ROBO2: variants seen among roughly 807,000 people sequenced by gnomAD.
ROBO2 encodes roundabout homolog 2.
Under a neutral mutation model 160.8 loss-of-function variants are expected in ROBO2, and 53 were observed. The observed-to-expected ratio is 0.33, with a 90% CI of 0.26 to 0.41. The LOEUF is 0.41. Ranked by LOEUF, ROBO2 falls within the 10% of genes least tolerant of loss-of-function variation. ROBO2 has a pLI of 1.00. For missense variants in ROBO2, 1,577 were observed against 1,722.4 expected (o/e 0.92, Z 1.49); for synonymous variants, 664 against 611.7 (o/e 1.09, Z -1.26).
chr3:76,835,061 T>C (rs2067559509), intron 2 of ROBO2, among the ~76,000 whole-genome samples: 1 of 152,104 alleles, frequency 6.6e-6, no homozygotes, highest in South Asian at 2.1e-4. Flanking sequence ...GACTATAGAA[T>C]GCAAACTTTT....
chr3:76,609,499 C>T (rs887637983), intron 2 of ROBO2, among the ~76,000 whole-genome samples: 19 of 150,952 alleles, frequency 1.3e-4, no homozygotes, highest in African/African-American at 4.4e-4. Context: ...TGGAATTGCT[C>T]TTCGATTTTT....
At chr3:75,930,028 C>T (rs764933261) in intron 1 of ROBO2, among the ~76,000 whole-genome samples, 2 of 152,174 alleles carry the variant, frequency 1.3e-5, no homozygotes, top group African/African-American at 2.4e-5. Context: ...AGATCTTTTG[C>T]TCAATATCAT....
intron 6 of ROBO2, chr3:77,538,868 G>A (rs183226898): frequency 2.0e-6 from 1 of 498,050 alleles, no homozygotes. Flanking sequence ...TCTGTTTCTT[G>A]TTGGTGGAGG....
At chr3:76,003,693 T>C (rs1354191157) in intron 2 of ROBO2, among the ~76,000 whole-genome samples, 1 of 152,198 alleles carries the variant, frequency 6.6e-6, no homozygotes, top group Non-Finnish European at 1.5e-5. Flanking sequence ...AGAGGGCTAA[T>C]TTTTAATTTT....
chr3:77,262,563 TG>T (rs1205123296), intron 2 of ROBO2, among the ~76,000 whole-genome samples: 1 of 152,118 alleles, frequency 6.6e-6, no homozygotes, highest in African/African-American at 2.4e-5. Flanking sequence ...GAGGTACATC[TG>T]GCAGGGCCCC....
intron 2 of ROBO2, among the ~76,000 whole-genome samples, chr3:77,454,120 C>CTTT (rs36018732): frequency 2.1e-5 from 3 of 139,666 alleles, no homozygotes; most frequent in Non-Finnish European, 3.1e-5. Flanking sequence ...TTACTCTGGG[C>CTTT]TTTTTTTTTT....
intron 2 of ROBO2, among the ~76,000 whole-genome samples, chr3:77,262,595 G>A (rs1283647613): frequency 1.3e-5 from 2 of 152,046 alleles, no homozygotes; most frequent in African/African-American, 4.8e-5. Context: ...TGAACCTGAA[G>A]TAGAGAGTGA....
chr3:76,173,331 ATTAT>A (rs575840324), intron 2 of ROBO2, among the ~76,000 whole-genome samples: 133 of 152,002 alleles, frequency 8.7e-4, no homozygotes, highest in Middle Eastern at 3.4e-3. Context: ...ATACATGCTA[ATTAT>A]TTATTTTTAT....
chr3:77,361,677 T>C (rs9845716), intron 2 of ROBO2, among the ~76,000 whole-genome samples: 47,596 of 151,860 alleles, frequency 0.31, 7,931 homozygotes, highest in Non-Finnish European at 0.38. Flanking sequence ...GGACACCCAT[T>C]CCATTTATGA....
At chr3:76,301,873 C>T (rs1351863703) in intron 2 of ROBO2, among the ~76,000 whole-genome samples, 1 of 152,066 alleles carries the variant, frequency 6.6e-6, no homozygotes, top group Admixed American at 6.6e-5. Context: ...TAGCAGCTTG[C>T]ACCTCTGTCA....
intron 2 of ROBO2, among the ~76,000 whole-genome samples, chr3:76,536,066 C>G (rs533517041): frequency 8.5e-5 from 13 of 152,130 alleles, no homozygotes; most frequent in Non-Finnish European, 1.5e-5. Flanking sequence ...GAATCATGGG[C>G]TGCGGGCATT....
At chr3:77,317,399 C>A in intron 2 of ROBO2, 2 of 1,209,964 alleles carry the variant, frequency 1.7e-6, no homozygotes, top group Non-Finnish European at 1.2e-6. Flanking sequence ...TCTCCGTAGA[C>A]CTCGAGCCAT....
intron 2 of ROBO2, among the ~76,000 whole-genome samples, chr3:76,608,326 G>A (rs1266733180): frequency 6.6e-6 from 1 of 152,214 alleles, no homozygotes; most frequent in Non-Finnish European, 1.5e-5. Context: ...AGAAGAAAGG[G>A]ACTGTGGAGG....
intron 2 of ROBO2, among the ~76,000 whole-genome samples, chr3:76,852,807 G>A (rs984154410): frequency 3.9e-5 from 6 of 152,052 alleles, no homozygotes; most frequent in African/African-American, 1.4e-4. Flanking sequence ...CTGCCTATTT[G>A]CTTGGCAGTT....
At chr3:76,371,188 G>T (rs1011095431) in intron 2 of ROBO2, among the ~76,000 whole-genome samples, 1 of 152,030 alleles carries the variant, frequency 6.6e-6, no homozygotes, top group Non-Finnish European at 1.5e-5. Context: ...GAGCACAAGG[G>T]TTAGAAGTGC....
At chr3:76,586,896 AT>A (rs1329916640) in intron 2 of ROBO2, among the ~76,000 whole-genome samples, 1 of 152,248 alleles carries the variant, frequency 6.6e-6, no homozygotes, top group East Asian at 1.9e-4. Flanking sequence ...AGCCAGGAAG[AT>A]CAACTCAGAA....
intron 2 of ROBO2, among the ~76,000 whole-genome samples, chr3:77,143,454 C>T (rs987316510): frequency 6.6e-6 from 1 of 152,022 alleles, no homozygotes; most frequent in African/African-American, 2.4e-5. Flanking sequence ...CCTCAGCCTC[C>T]CAAAGTACTG....
At chr3:77,252,930 A>T (rs960918761) in intron 2 of ROBO2, among the ~76,000 whole-genome samples, 28 of 149,338 alleles carry the variant, frequency 1.9e-4, no homozygotes, top group African/African-American at 6.8e-4. Context: ...ATAATATTAA[A>T]TTAATTTGTA....
chr3:76,222,954 C>T (rs1326008979), intron 2 of ROBO2, among the ~76,000 whole-genome samples: 2 of 151,844 alleles, frequency 1.3e-5, no homozygotes, highest in Admixed American at 6.6e-5. Flanking sequence ...GGAGTTTCAC[C>T]GTATTAGTCA....
Sources: gnomAD v4.1 joint callset for allele counts (sites outside exome capture counted in the v4.1 genomes callset) on GRCh38, gnomAD v4.1.1 for gene constraint, MANE v1.5 for transcripts, NCBI Gene and HGNC (gene_info 2026-07-23, HGNC 2026-07-21) for gene names.